The following CYS1 variants were observed in gnomAD, a reference collection of about 807,000 sequenced individuals.
The protein encoded by CYS1 is cystin 1, also known as cystin-1.
A neutral mutation model predicts 9.6 loss-of-function variants in CYS1; 5 were observed. The ratio of observed to expected loss-of-function variants is 0.52; its 90% CI spans 0.27 to 1.10. The LOEUF is 1.10. Among genes scored for constraint, CYS1 ranks in the 50% least tolerant of loss-of-function variants. CYS1 has a pLI of 0.11. For synonymous variants in CYS1, 88 were observed against 95.7 expected, an observed-to-expected ratio of 0.92 and a Z score of 0.47; for missense variants, 221 against 207.9, an observed-to-expected ratio of 1.06 and a Z score of -0.39.
In CYS1 at chr2:10,076,548, C is replaced by G. The variant is rs1314985302; in HGVS notation, c.318+3358G>C. ...ATTCAACCACCAGCTCTCAGGCTTCCCGCATATATCCCACCAAGCAGCACT... is the reference window on the plus strand; with the variant it reads ...ATTCAACCACCAGCTCTCAGGCTTCGCGCATATATCCCACCAAGCAGCACT... On this transcript the variant is annotated intron_variant, in intron 1 of 2. Transcript: ENST00000381813. The surrounding 1 kb of genome is among the most constrained non-coding windows in gnomAD (Gnocchi z 4.3). Among the ~76,000 whole-genome samples, 1 of 152,170 alleles carries G rather than the reference C, an allele frequency of 6.6e-6. No individual in the cohort carries two copies. The highest frequency in any genetic ancestry group is 1.5e-5 in the Non-Finnish European group (1 of 68,032).
intron 1 of CYS1, 96 bp downstream of exon 1, chr2:10,079,810 G>T: frequency 2.5e-6 from 2 of 788,262 alleles, no homozygotes; most frequent in Non-Finnish European, 3.2e-6. Flanking sequence ...CTGGAAGGGG[G>T]CGCAGCGCGA....
rs896038437 is a variant in CYS1, at chr2:10,076,104, G to C, written c.318+3802C>G. Among the ~76,000 whole-genome samples, 2 of 152,178 alleles carry C rather than the reference G, an allele frequency of 1.3e-5. No individual in the cohort carries two copies. Among genetic ancestry groups the C allele is most frequent in the African/African-American group, 4.8e-5 (2 of 41,438 alleles). Reference sequence around the variant, plus strand: ...CTCGGGATGCTGAGACAGGAGAATTGCTTGAATCCTGGAGGCAGAGGTTGC... The same window carrying C: ...CTCGGGATGCTGAGACAGGAGAATTCCTTGAATCCTGGAGGCAGAGGTTGC... On this transcript the variant is annotated intron_variant, in intron 1 of 2. Transcript: ENST00000381813. The surrounding 1 kb of genome is among the most constrained non-coding windows in gnomAD (Gnocchi z 4.3).
At chr2:10,061,760 C>G (rs1558356893) in intron 2 of CYS1, among the ~76,000 whole-genome samples, 2 of 152,186 alleles carry the variant, frequency 1.3e-5, no homozygotes, top group Non-Finnish European at 2.9e-5. Flanking sequence ...GGCTCCACAG[C>G]CACCCCTGCC....
At chr2:10,059,676 AAAGT>A (rs1228174434) in intron 2 of CYS1, among the ~76,000 whole-genome samples, 6 of 152,254 alleles carry the variant, frequency 3.9e-5, no homozygotes, top group African/African-American at 1.2e-4. Context: ...CCTGAGTGAC[AAAGT>A]AAGACTCTGT....
chr2:10,070,139 G>C (rs1187598308), intron 1 of CYS1, among the ~76,000 whole-genome samples: 3 of 152,184 alleles, frequency 2.0e-5, no homozygotes, highest in Non-Finnish European at 4.4e-5. Context: ...CAGGTGAGGA[G>C]GGGGAGGGCA....
At chr2:10,064,658 C>T (rs373195026) in intron 2 of CYS1, among the ~76,000 whole-genome samples, 22 of 152,214 alleles carry the variant, frequency 1.4e-4, no homozygotes, top group African/African-American at 5.1e-4. Context: ...TCTTTCCTTC[C>T]TCTCTCCTCG....
rs1467360134 is a variant in CYS1, at chr2:10,058,170, G to A, written c.*683C>T. On this transcript the variant is annotated 3_prime_UTR_variant, in exon 3 of 3. Coordinates refer to ENST00000381813, the MANE Select transcript of CYS1 (RefSeq NM_001037160.3). ...GAGCTGCCAGAGCTGATTTTCCAGA[G>A]AGGGAAACTGAGGCCCAGAGAGGCA... 7.2e-5 allele frequency: 11 copies of A among 152,564 alleles called. No individual in the cohort carries two copies. Among genetic ancestry groups the A allele is most frequent in the Admixed American group, 7.2e-4 (11 of 15,302 alleles). The allele number at this position is 152,564 out of a possible 1,614,324, so 9.5% of individuals were successfully genotyped here. A position where few individuals can be genotyped will look rare whatever the true frequency, so the allele number is the denominator to read the frequency against.
chr2:10,073,191 CA>C (rs1434239257), intron 1 of CYS1, among the ~76,000 whole-genome samples: 1 of 130,940 alleles, frequency 7.6e-6, no homozygotes, highest in East Asian at 2.3e-4. Context: ...AAGGACGTGA[CA>C]AGGGGCTCTG....
At chr2:10,059,701 AT>A (rs1449072173) in intron 2 of CYS1, among the ~76,000 whole-genome samples, 1 of 152,250 alleles carries the variant, frequency 6.6e-6, no homozygotes, top group Non-Finnish European at 1.5e-5. Flanking sequence ...CTCAAAAAAA[AT>A]AAATAAAAAA....
rs1359197439 is a variant in CYS1 at position 10,057,863 on chromosome 2, C to T, written c.*990G>A. 1 of 152,336 alleles carries T rather than the reference C, an allele frequency of 6.6e-6. No homozygotes were observed. Among genetic ancestry groups the T allele is most frequent in the African/African-American group, 2.4e-5 (1 of 41,466 alleles). 9.4% of individuals were successfully genotyped at this position (152,336 alleles called of 1,614,324 possible). ...CCCCCTGTTCCCAGGGCGTCCTGGGCAGGTCAGTTTTCCCATCTGTCAACC... is the reference window on the plus strand; with the variant it reads ...CCCCCTGTTCCCAGGGCGTCCTGGGTAGGTCAGTTTTCCCATCTGTCAACC... On this transcript the variant is annotated 3_prime_UTR_variant, in exon 3 of 3. Transcript: ENST00000381813.
chr2:10,080,400 G>C lies in CYS1; in HGVS notation c.-177C>G. ...CGGGCGGGGGTCGCGGCCGGAGGAC[G>C]GGGGTGCGAGCCGGAGCCTGGGGAG... On this transcript the variant is annotated 5_prime_UTR_variant, in exon 1 of 3. Coordinates refer to ENST00000381813, the MANE Select transcript of CYS1 (RefSeq NM_001037160.3). The surrounding 1 kb of genome is among the most constrained non-coding windows in gnomAD (Gnocchi z 6.4). 4.8e-6 allele frequency: 1 copy of C among 206,578 alleles called. No homozygotes were observed. The highest frequency in any genetic ancestry group is 8.6e-6 in the Non-Finnish European group (1 of 115,736). The allele number at this position is 206,578 out of a possible 1,614,324, so 12.8% of individuals were successfully genotyped here. A position where few individuals can be genotyped will look rare whatever the true frequency, so the allele number is the denominator to read the frequency against.
In CYS1 at chr2:10,080,214, C is replaced by A; in HGVS notation, c.10G>T (p.Gly4Cys). ...AGAGTCCGGCTGCTCCGGCTGCTGC[C>A]GCTGCCCATGGCGCGCCCGCCGCCT... MGS[G>C]SSRSSRTLRR... The change falls in exon 1 of 3, where the codon GGC (glycine) becomes TGC (cysteine). Residue 4 changes from glycine to cysteine, a missense_variant. Transcript: ENST00000381813. This position sits in a 1 kb window ranked among gnomAD's most constrained non-coding sequence, Gnocchi z 6.4. 9.5e-7 allele frequency: 1 copy of A among 1,058,144 alleles called. No individual in the cohort carries two copies. The highest frequency in any genetic ancestry group is 1.1e-6 in the Non-Finnish European group (1 of 881,012). 65.5% of individuals were successfully genotyped at this position (1,058,144 alleles called of 1,614,324 possible).
intron 1 of CYS1, among the ~76,000 whole-genome samples, chr2:10,075,694 T>C (rs1475732867): frequency 6.6e-6 from 1 of 152,194 alleles, no homozygotes; most frequent in East Asian, 1.9e-4. Context: ...ATTATCCGGA[T>C]GCTCCATGGC....
chr2:10,064,908 T>A (rs1661675288), intron 2 of CYS1, among the ~76,000 whole-genome samples: 1 of 151,362 alleles, frequency 6.6e-6, no homozygotes, highest in Admixed American at 6.6e-5. Context: ...TTTTTTTTTT[T>A]TTGGTATTTT....
At chr2:10,075,822 C>T (rs1661835082) in intron 1 of CYS1, among the ~76,000 whole-genome samples, 1 of 152,204 alleles carries the variant, frequency 6.6e-6, no homozygotes, top group Admixed American at 6.5e-5. Context: ...AACGTACTTC[C>T]CTTGACCTTG....
intron 1 of CYS1, among the ~76,000 whole-genome samples, chr2:10,077,629 A>G (rs765840281): frequency 6.6e-5 from 10 of 152,212 alleles, no homozygotes; most frequent in Admixed American, 1.3e-4. Flanking sequence ...GTTCAAGACC[A>G]GCCTGGCCAA....
intron 2 of CYS1, among the ~76,000 whole-genome samples, chr2:10,060,049 G>A (rs1318032129): frequency 2.0e-5 from 3 of 152,262 alleles, no homozygotes; most frequent in Admixed American, 6.5e-5. Context: ...AGGCAGTCCC[G>A]GGAGCCCAGG....
At position 10,079,899 on chromosome 2, in the gene CYS1, C is replaced by T. The variant is rs1017186876; in HGVS notation, c.318+7G>A. On this transcript the variant is annotated splice_region_variant and intron_variant, in intron 1 of 2. Coordinates refer to ENST00000381813, the MANE Select transcript of CYS1 (RefSeq NM_001037160.3). Reference sequence around the variant, plus strand: ...GTCCCCCGAGGCCCTGCGGCTCCCACACTCACCGCGCTCCCCGCGACCGCG... The same window carrying T: ...GTCCCCCGAGGCCCTGCGGCTCCCATACTCACCGCGCTCCCCGCGACCGCG... The T allele has an allele frequency of 1.8e-6, 2 of 1,110,242 alleles. No homozygotes were observed. Among genetic ancestry groups the T allele is most frequent in the African/African-American group, 1.7e-5 (1 of 60,198 alleles). 68.8% of individuals were successfully genotyped at this position (1,110,242 alleles called of 1,614,324 possible).
At chr2:10,062,581 T>C (rs1661642192) in intron 2 of CYS1, among the ~76,000 whole-genome samples, 1 of 152,112 alleles carries the variant, frequency 6.6e-6, no homozygotes, top group Non-Finnish European at 1.5e-5. Context: ...TTATGTATTT[T>C]TAGTAGAGAT....
Sources: gnomAD v4.1 joint callset for allele counts (sites outside exome capture counted in the v4.1 genomes callset) on GRCh38, gnomAD v4.1.1 for gene constraint, Gnocchi (gnomAD v3.1) non-coding constraint, MANE v1.5 for transcripts, NCBI Gene and HGNC (gene_info 2026-07-23, HGNC 2026-07-21) for gene names.